Variants in OR14I1 observed in about 807,000 individuals in gnomAD.
The protein encoded by OR14I1 is olfactory receptor family 14 subfamily I member 1, also known as olfactory receptor 14I1.
For synonymous variants in OR14I1, 118 were observed against 71.1 expected (o/e 1.66, Z -3.32); for missense variants, 279 against 181.8 (o/e 1.53, Z -3.07).
chr1:248,690,485 C>T, the OR14I1 span, among the ~76,000 whole-genome samples: 66 of 149,720 alleles, frequency 4.4e-4, no homozygotes, highest in Non-Finnish European at 7.5e-4. Flanking sequence ...CTAGAAGAAA[C>T]GGATAAATTC....
the OR14I1 span, among the ~76,000 whole-genome samples, chr1:248,700,567 A>G: frequency 6.6e-6 from 1 of 152,362 alleles, no homozygotes; most frequent in Admixed American, 6.5e-5. Flanking sequence ...AAAGAAAAAA[A>G]TTCCAACTAA....
At chr1:248,680,838 C>T (rs537219717), downstream of OR14I1, among the ~76,000 whole-genome samples, 1 of 152,194 alleles carries the variant, frequency 6.6e-6, no homozygotes, top group Non-Finnish European at 1.5e-5. Flanking sequence ...CTAAAAATAA[C>T]TAAGTGAAAG....
chr1:248,693,858 T>C, the OR14I1 span, among the ~76,000 whole-genome samples: 1 of 150,154 alleles, frequency 6.7e-6, no homozygotes, highest in Admixed American at 6.6e-5. Context: ...ACTTGCCTGG[T>C]ATGCTCTGCA....
At chr1:248,689,390 A>G in the OR14I1 span, among the ~76,000 whole-genome samples, 124,870 of 152,146 alleles carry the variant, frequency 0.82, 51,729 homozygotes, top group Non-Finnish European at 0.88. Flanking sequence ...CTTACCTACC[A>G]GAGGCCTCCT....
At chr1:248,678,980 G>A (rs1661517933), downstream of OR14I1, among the ~76,000 whole-genome samples, 1 of 152,170 alleles carries the variant, frequency 6.6e-6, no homozygotes, top group Non-Finnish European at 1.5e-5. Context: ...AAGTAATCAA[G>A]TACCTCTAAA....
chr1:248,683,415 CTA>C (rs1355521305), upstream of OR14I1, among the ~76,000 whole-genome samples: 2 of 152,142 alleles, frequency 1.3e-5, no homozygotes, highest in Non-Finnish European at 2.9e-5. Context: ...TTTTTTCAAA[CTA>C]GAGCCAACTT....
chr1:248,682,135 A>G (rs934030227), exon 1 of OR14I1: 2 of 781,088 alleles, frequency 2.6e-6, no homozygotes, highest in Non-Finnish European at 4.8e-6. Flanking sequence ...GAAGAAGTAC[A>G]TGGGTGTGTG....
At chr1:248,696,077 G>C in the OR14I1 span, among the ~76,000 whole-genome samples, 1 of 152,094 alleles carries the variant, frequency 6.6e-6, no homozygotes, top group Non-Finnish European at 1.5e-5. Context: ...CAACTGCTAG[G>C]TTAGATCTCA....
At chr1:248,694,119 A>T in the OR14I1 span, among the ~76,000 whole-genome samples, 1 of 152,160 alleles carries the variant, frequency 6.6e-6, no homozygotes, top group African/African-American at 2.4e-5. Flanking sequence ...GGAGAAAGTG[A>T]TACTTAATCT....
chr1:248,699,939 A>C, the OR14I1 span, among the ~76,000 whole-genome samples: 1 of 152,018 alleles, frequency 6.6e-6, no homozygotes, highest in Non-Finnish European at 1.5e-5. Flanking sequence ...TTATATTTTT[A>C]TTAGAGATGG....
upstream of OR14I1, among the ~76,000 whole-genome samples, chr1:248,684,708 T>C (rs1429536845): frequency 2.0e-5 from 3 of 151,882 alleles, no homozygotes; most frequent in African/African-American, 4.8e-5. Context: ...GTCATATGCA[T>C]TTAAACATTC....
chr1:248,691,364 T>C, the OR14I1 span, among the ~76,000 whole-genome samples: 27 of 152,194 alleles, frequency 1.8e-4, no homozygotes, highest in African/African-American at 6.0e-4. Flanking sequence ...TTAGAAAATA[T>C]TCTGAGGTGC....
the OR14I1 span, among the ~76,000 whole-genome samples, chr1:248,700,305 T>G: frequency 6.6e-6 from 1 of 152,226 alleles, no homozygotes; most frequent in Non-Finnish European, 1.5e-5. Context: ...GTGAAAGACC[T>G]CCAATTAAAG....
the OR14I1 span, among the ~76,000 whole-genome samples, chr1:248,697,399 C>T: frequency 6.7e-6 from 1 of 150,290 alleles, no homozygotes; most frequent in Non-Finnish European, 1.5e-5. Flanking sequence ...TATTCATTGA[C>T]AGGCTCTCTA....
downstream of OR14I1, among the ~76,000 whole-genome samples, chr1:248,679,361 T>C (rs1427939448): frequency 6.6e-6 from 1 of 151,812 alleles, no homozygotes; most frequent in Non-Finnish European, 1.5e-5. Context: ...TCCGTGATGG[T>C]GATGTTCTGT....
the OR14I1 span, among the ~76,000 whole-genome samples, chr1:248,689,806 A>T: frequency 6.6e-6 from 1 of 152,214 alleles, no homozygotes; most frequent in African/African-American, 2.4e-5. Flanking sequence ...CACTTATTCT[A>T]AAGTTGACCA....
chr1:248,687,966 G>T, the OR14I1 span, among the ~76,000 whole-genome samples: 2 of 152,340 alleles, frequency 1.3e-5, no homozygotes, highest in South Asian at 4.1e-4. Context: ...GATCTAAATT[G>T]TTTTTGGCTA....
chr1:248,678,294 G>A (rs527791729), downstream of OR14I1, among the ~76,000 whole-genome samples: 1 of 152,284 alleles, frequency 6.6e-6, no homozygotes, highest in Non-Finnish European at 1.5e-5. Flanking sequence ...TGTCTTTGAG[G>A]ACATTCCATT....
chr1:248,686,925 A>G (rs564828019), upstream of OR14I1, among the ~76,000 whole-genome samples: 80 of 152,368 alleles, frequency 5.3e-4, no homozygotes, highest in African/African-American at 1.9e-3. Context: ...ATAATATATC[A>G]AGGAGACAAT....
Sources: allele counts gnomAD v4.1 joint callset (sites outside exome capture counted in the v4.1 genomes callset), GRCh38; gene constraint gnomAD v4.1.1; transcripts MANE v1.5; gene names NCBI Gene and HGNC (gene_info 2026-07-23, HGNC 2026-07-21).